Variants in SAMD4A observed in about 807,000 individuals in gnomAD.
SAMD4A encodes sterile alpha motif domain containing 4A, also known as protein Smaug homolog 1.
In SAMD4A, 33 loss-of-function variants were observed where a neutral mutation model predicts 81.3. The ratio of observed to expected loss-of-function variants is 0.41; its 90% CI spans 0.31 to 0.54. SAMD4A has a LOEUF of 0.54. Ranked by LOEUF, SAMD4A falls within the 20% of genes least tolerant of loss-of-function variation. The pLI is 0.37. For missense variants in SAMD4A, 854 were observed against 951.1 expected, an observed-to-expected ratio of 0.90 and a Z score of 1.34; for synonymous variants, 389 against 382.1, an observed-to-expected ratio of 1.02 and a Z score of -0.21.
chr14:54,751,545 A>T lies in SAMD4A; in HGVS notation c.1176+8A>T. ...CTGAAGTCTTTGGAAAGGGTAAGTTATCGGATGAGGGAACATTTCCACTTT... is the reference window on the plus strand; with the variant it reads ...CTGAAGTCTTTGGAAAGGGTAAGTTTTCGGATGAGGGAACATTTCCACTTT... On this transcript the variant is annotated splice_region_variant and intron_variant, in intron 6 of 12. Coordinates refer to ENST00000554335, the MANE Select transcript of SAMD4A (RefSeq NM_015589.6). 6.5e-7 allele frequency: 1 copy of T among 1,548,114 alleles called. No individual in the cohort carries two copies. Among genetic ancestry groups the T allele is most frequent in the Non-Finnish European group, 8.9e-7 (1 of 1,124,348 alleles).
chr14:54,688,291 C>A, intron 2 of SAMD4A: 6 of 985,432 alleles, frequency 6.1e-6, no homozygotes, highest in Non-Finnish European at 7.2e-6. Flanking sequence ...TCCGGAGCAA[C>A]CGTTTAGAGG....
chr14:54,572,273 T>C (rs2033151501), intron 2 of SAMD4A, among the ~76,000 whole-genome samples: 1 of 152,152 alleles, frequency 6.6e-6, no homozygotes, highest in South Asian at 2.1e-4. Flanking sequence ...TAGCCACTTA[T>C]TGCCTGGGGA....
At chr14:54,699,852 A>G (rs888016417) in intron 2 of SAMD4A, among the ~76,000 whole-genome samples, 2 of 152,142 alleles carry the variant, frequency 1.3e-5, no homozygotes, top group Non-Finnish European at 2.9e-5. Context: ...TGAGTCTTTC[A>G]TTATTCTGGC....
Position 54,733,888 on chromosome 14 carries a change from A to G in SAMD4A, c.716-3136A>G, listed in dbSNP as rs112128328. Among the ~76,000 whole-genome samples the G allele has an allele frequency of 1.1e-3, 162 of 152,048 alleles. 2 individuals are homozygous for G. The highest frequency in any genetic ancestry group is 3.4e-3 in the African/African-American group (143 of 41,490). On this transcript the variant is annotated intron_variant, in intron 3 of 12. Transcript: ENST00000554335. ...GACCCTCTGTTTGTCATCACTTCAA[A>G]TGAGATCTCTTAGTTTAAAAAGGGG... is the stretch of plus-strand genomic sequence containing the variant.
chr14:54,754,370 T>C (rs2038185696), intron 6 of SAMD4A, among the ~76,000 whole-genome samples: 1 of 152,236 alleles, frequency 6.6e-6, no homozygotes, highest in Non-Finnish European at 1.5e-5. Flanking sequence ...TGTGAGTTTA[T>C]CGAGTCTGAC....
chr14:54,746,324 G>A (rs981909701), intron 4 of SAMD4A, among the ~76,000 whole-genome samples: 8 of 152,150 alleles, frequency 5.3e-5, no homozygotes, highest in East Asian at 3.8e-4. Flanking sequence ...GTGTCCGTGC[G>A]TACCTGCCTC....
chr14:54,640,156 T>C (rs993940847), intron 2 of SAMD4A, among the ~76,000 whole-genome samples: 1 of 152,152 alleles, frequency 6.6e-6, no homozygotes, highest in African/African-American at 2.4e-5. Context: ...AAACCAAACC[T>C]ACAACCAGGC....
chr14:54,705,992 G>A (rs1046701907), intron 3 of SAMD4A, among the ~76,000 whole-genome samples: 1 of 152,162 alleles, frequency 6.6e-6, no homozygotes, highest in Admixed American at 6.5e-5. Context: ...GTTGAATGTA[G>A]GCCTATCCTG....
At chr14:54,683,127 C>T (rs887296671) in intron 2 of SAMD4A, among the ~76,000 whole-genome samples, 3 of 152,172 alleles carry the variant, frequency 2.0e-5, no homozygotes, top group African/African-American at 7.2e-5. Flanking sequence ...TGCAAGATAC[C>T]AAAGGAGGGC....
chr14:54,641,587 G>A (rs574956693), intron 2 of SAMD4A, among the ~76,000 whole-genome samples: 1 of 152,278 alleles, frequency 6.6e-6, no homozygotes, highest in East Asian at 1.9e-4. Context: ...GAGACATGGA[G>A]CATTTTACAT....
At chr14:54,640,224 G>A (rs2035142456) in intron 2 of SAMD4A, among the ~76,000 whole-genome samples, 4 of 151,920 alleles carry the variant, frequency 2.6e-5, no homozygotes. Context: ...GCGCCCTCGT[G>A]TCTCTCTCTC....
At chr14:54,568,308 G>T (rs1234247296) in intron 2 of SAMD4A, among the ~76,000 whole-genome samples, 196 bp downstream of exon 2, 2 of 148,440 alleles carry the variant, frequency 1.3e-5, no homozygotes, top group African/African-American at 5.0e-5. Flanking sequence ...TACCTCCGCC[G>T]GCCGCTTTGG....
intron 2 of SAMD4A, among the ~76,000 whole-genome samples, chr14:54,605,476 T>G (rs2140241214): frequency 6.6e-6 from 1 of 152,232 alleles, no homozygotes; most frequent in Non-Finnish European, 1.5e-5. Context: ...TGTGCTTTGG[T>G]GAAAAGCAAA....
intron 4 of SAMD4A, among the ~76,000 whole-genome samples, chr14:54,741,106 A>G (rs2140942013): frequency 6.6e-6 from 1 of 152,330 alleles, no homozygotes; most frequent in Middle Eastern, 3.4e-3. Flanking sequence ...GTTCATTTCA[A>G]AAACTTCACT....
At chr14:54,642,453 C>T (rs898484252) in intron 2 of SAMD4A, among the ~76,000 whole-genome samples, 4 of 152,198 alleles carry the variant, frequency 2.6e-5, no homozygotes, top group African/African-American at 7.2e-5. Flanking sequence ...GGTCTGGCAT[C>T]GGCTCTCCAT....
intron 9 of SAMD4A, among the ~76,000 whole-genome samples, chr14:54,770,493 A>C (rs2038672714): frequency 6.6e-6 from 1 of 152,214 alleles, no homozygotes; most frequent in Admixed American, 6.5e-5. Context: ...ATCAGAGGGG[A>C]GAGTGGGTAT....
chr14:54,673,273 T>TTGGCTC (rs1203730763), intron 2 of SAMD4A, among the ~76,000 whole-genome samples: 3 of 152,212 alleles, frequency 2.0e-5, no homozygotes, highest in Admixed American at 6.5e-5. Context: ...GAGCTAGAAT[T>TTGGCTC]TGGCTCTTTC....
At chr14:54,765,232 A>G (rs1594915177) in intron 8 of SAMD4A, among the ~76,000 whole-genome samples, 1 of 152,140 alleles carries the variant, frequency 6.6e-6, no homozygotes. Flanking sequence ...CTCCCTCCCC[A>G]CAAAGAGCTA....
intron 2 of SAMD4A, among the ~76,000 whole-genome samples, chr14:54,675,164 G>A (rs1354997456): frequency 1.3e-5 from 2 of 151,994 alleles, no homozygotes; most frequent in Middle Eastern, 3.2e-3. Context: ...TCAGGAGTTC[G>A]AGACCAGCTT....
Sources: gnomAD v4.1 joint callset for allele counts (sites outside exome capture counted in the v4.1 genomes callset) on GRCh38, gnomAD v4.1.1 for gene constraint, MANE v1.5 for transcripts, NCBI Gene and HGNC (gene_info 2026-07-23, HGNC 2026-07-21) for gene names.